The following KALRN variants were observed in gnomAD, a reference collection of about 807,000 sequenced individuals.
KALRN encodes the protein kalirin RhoGEF kinase, also known as kalirin.
Under a neutral mutation model 353.7 loss-of-function variants are expected in KALRN, and 70 were observed. The ratio of observed to expected loss-of-function variants is 0.20; its 90% CI spans 0.16 to 0.24. The LOEUF is 0.24. Ranked by LOEUF, KALRN falls within the 10% of genes least tolerant of loss-of-function variation. The probability of loss-of-function intolerance (pLI) is 1.00; values close to 1 mark genes in which losing one functional copy is unlikely to be tolerated. For missense variants in KALRN, 2,791 were observed against 3,756.7 expected (o/e 0.74, Z 6.72); for synonymous variants, 1,391 against 1,434.8 (o/e 0.97, Z 0.69).
intron 1 of KALRN, among the ~76,000 whole-genome samples, chr3:124,074,227 A>G (rs529882184): frequency 2.6e-5 from 4 of 152,316 alleles, no homozygotes; most frequent in South Asian, 4.1e-4. Flanking sequence ...GGTAAATCCA[A>G]TCATACTCTA....
chr3:124,421,432 CATACAGTA>C (rs1385886864), intron 14 of KALRN, among the ~76,000 whole-genome samples: 1 of 152,162 alleles, frequency 6.6e-6, no homozygotes, highest in African/African-American at 2.4e-5. Context: ...GTATCATGTA[CATACAGTA>C]ATATGTGTAT....
intron 33 of KALRN, among the ~76,000 whole-genome samples, chr3:124,498,286 A>G (rs749957206): frequency 1.3e-5 from 2 of 152,228 alleles, no homozygotes; most frequent in Non-Finnish European, 2.9e-5. Flanking sequence ...TCTGTGCTGG[A>G]TGCTGTAGAG....
intron 5 of KALRN, among the ~76,000 whole-genome samples, chr3:124,291,980 T>C (rs1160812649): frequency 6.6e-6 from 1 of 152,172 alleles, no homozygotes; most frequent in Non-Finnish European, 1.5e-5. Flanking sequence ...CTTCAGAACC[T>C]AAATACTCTG....
chr3:124,206,706 C>T (rs556917260), intron 1 of KALRN, among the ~76,000 whole-genome samples: 1 of 152,308 alleles, frequency 6.6e-6, no homozygotes, highest in East Asian at 1.9e-4. Flanking sequence ...CCAGGACTTT[C>T]CAGGACTAGA....
chr3:124,096,485 T>C (rs1007621972), intron 1 of KALRN: 2 of 152,212 alleles, frequency 1.3e-5, no homozygotes, highest in African/African-American at 4.8e-5. Flanking sequence ...CAATTTATAC[T>C]TACATGAATT....
intron 1 of KALRN, among the ~76,000 whole-genome samples, chr3:124,139,652 G>A (rs551861472): frequency 6.6e-6 from 1 of 152,282 alleles, no homozygotes; most frequent in East Asian, 1.9e-4. Context: ...AAAAACCAGA[G>A]CACCTGGGGG....
At chr3:124,277,209 T>G (rs994755140) in intron 5 of KALRN, among the ~76,000 whole-genome samples, 1 of 152,180 alleles carries the variant, frequency 6.6e-6, no homozygotes, top group Admixed American at 6.5e-5. Context: ...GCCCTTCATG[T>G]TGGGAGGGAG....
intron 51 of KALRN, among the ~76,000 whole-genome samples, chr3:124,684,237 G>T (rs1022938505): frequency 1.3e-5 from 2 of 152,006 alleles, no homozygotes; most frequent in African/African-American, 2.4e-5. Context: ...TGGTTTTTCT[G>T]CTTGCTATTC....
At chr3:124,114,963 A>G (rs2063330537) in intron 1 of KALRN, among the ~76,000 whole-genome samples, 1 of 152,202 alleles carries the variant, frequency 6.6e-6, no homozygotes, top group African/African-American at 2.4e-5. Flanking sequence ...TGAACAAGAG[A>G]GGCAGAATCT....
intron 25 of KALRN, among the ~76,000 whole-genome samples, chr3:124,469,503 CTT>C (rs1406798303): frequency 6.6e-6 from 1 of 152,160 alleles, no homozygotes; most frequent in Non-Finnish European, 1.5e-5. Flanking sequence ...TCTAGAGCCT[CTT>C]ATGTTCTAGG....
rs1027312320 is a variant in KALRN, at chr3:124,521,293, A to T, written c.4935+24880A>T. Among the ~76,000 whole-genome samples, 11 of 152,334 alleles carry T rather than the reference A, an allele frequency of 7.2e-5. 1 individual carries two copies. The highest frequency in any genetic ancestry group is 5.9e-4 in the Admixed American group (9 of 15,304). ...GGGTGAGTAAACAGTCCCTGTTCTC[A>T]CAGAGCTTACCAGTAGAGGAGACAG... On this transcript the variant is annotated intron_variant, in intron 33 of 59. Transcript: ENST00000682506.
intron 33 of KALRN, among the ~76,000 whole-genome samples, chr3:124,558,420 G>A (rs1196277742): frequency 6.6e-6 from 1 of 152,076 alleles, no homozygotes; most frequent in Non-Finnish European, 1.5e-5. Flanking sequence ...TGGGAATACA[G>A]GTGTGCACCA....
intron 33 of KALRN, among the ~76,000 whole-genome samples, chr3:124,528,916 G>C (rs890403925): frequency 3.3e-5 from 5 of 152,082 alleles, no homozygotes; most frequent in Non-Finnish European, 7.4e-5. Flanking sequence ...TGCTCAGCAG[G>C]GGGGGCTCTA....
At chr3:124,036,566 C>T (rs1256665473) in intron 1 of KALRN, among the ~76,000 whole-genome samples, 1 of 151,924 alleles carries the variant, frequency 6.6e-6, no homozygotes, top group Non-Finnish European at 1.5e-5. Context: ...CTTAGAAAAG[C>T]CATGTTTCTA....
chr3:124,686,308 T>C (rs1188583063), intron 51 of KALRN, among the ~76,000 whole-genome samples: 1 of 152,156 alleles, frequency 6.6e-6, no homozygotes, highest in Non-Finnish European at 1.5e-5. Context: ...CCCAACAACA[T>C]CATCACATAG....
chr3:124,589,260 C>T (rs970843765), intron 34 of KALRN, among the ~76,000 whole-genome samples: 5 of 152,174 alleles, frequency 3.3e-5, no homozygotes, highest in African/African-American at 1.2e-4. Context: ...ACACCAAGTT[C>T]CTTTACAAAG....
chr3:124,664,391 G>A (rs2085342740), intron 45 of KALRN, among the ~76,000 whole-genome samples: 2 of 147,300 alleles, frequency 1.4e-5, no homozygotes, highest in African/African-American at 5.0e-5. Flanking sequence ...GCATATAAGG[G>A]CACCCACAAG....
intron 1 of KALRN, among the ~76,000 whole-genome samples, chr3:124,146,131 G>A (rs1420667032): frequency 6.6e-6 from 1 of 152,126 alleles, no homozygotes; most frequent in Non-Finnish European, 1.5e-5. Flanking sequence ...AAAACACAGA[G>A]ATCTTAAGCC....
At chr3:124,128,729 C>A (rs1412789163) in intron 1 of KALRN, among the ~76,000 whole-genome samples, 1 of 152,152 alleles carries the variant, frequency 6.6e-6, no homozygotes, top group East Asian at 1.9e-4. Context: ...TGTAGGGGAG[C>A]ATTGTAATCC....
Sources: allele counts gnomAD v4.1 joint callset (sites outside exome capture counted in the v4.1 genomes callset), GRCh38; gene constraint gnomAD v4.1.1; transcripts MANE v1.5; gene names NCBI Gene and HGNC (gene_info 2026-07-23, HGNC 2026-07-21).